SOX6: variants seen among roughly 807,000 people sequenced by gnomAD.
SOX6 encodes the protein transcription factor SOX-6.
Under a neutral mutation model 97.8 loss-of-function variants are expected in SOX6, and 11 were observed. The ratio of observed to expected loss-of-function variants is 0.11; its 90% CI spans 0.07 to 0.19. SOX6 has a LOEUF of 0.19. Among genes scored for constraint, SOX6 ranks in the 10% least tolerant of loss-of-function variants. The pLI is 1.00. For synonymous variants in SOX6, 360 were observed against 371.4 expected, an observed-to-expected ratio of 0.97 and a Z score of 0.35; for missense variants, 810 against 1,039.5, an observed-to-expected ratio of 0.78 and a Z score of 3.04.
At chr11:16,529,691 A>T (rs1447885142) in intron 4 of SOX6, among the ~76,000 whole-genome samples, 1 of 152,110 alleles carries the variant, frequency 6.6e-6, no homozygotes, top group Non-Finnish European at 1.5e-5. Flanking sequence ...TATATTAAAC[A>T]AGAATGGAAT....
At chr11:16,032,308 T>G (rs561412959) in intron 12 of SOX6, among the ~76,000 whole-genome samples, 29 of 152,294 alleles carry the variant, frequency 1.9e-4, no homozygotes, top group Middle Eastern at 3.4e-3. Context: ...TTGTTCGATT[T>G]GTTAGTCTAT....
rs140074820 is a variant in SOX6, at chr11:16,639,391, A to G, written n.430-27131T>C. Among the ~76,000 whole-genome samples the G allele has an allele frequency of 8.1e-3, 1,228 of 152,274 alleles. 21 individuals are homozygous for G. The highest frequency in any genetic ancestry group is 0.027 in the African/African-American group (1,116 of 41,560). ...TCTTTTGGCTTAGGATTGACTTGGCAATGCGGGATCTTTTTTGGTTCCTTA... is the reference window on the plus strand; with the variant it reads ...TCTTTTGGCTTAGGATTGACTTGGCGATGCGGGATCTTTTTTGGTTCCTTA... On this transcript the variant is annotated intron_variant and non_coding_transcript_variant, in intron 3 of 5. Transcript: ENST00000524520.
intron 1 of SOX6, among the ~76,000 whole-genome samples, chr11:16,365,122 T>A (rs1235429982): frequency 6.6e-6 from 1 of 152,142 alleles, no homozygotes; most frequent in African/African-American, 2.4e-5. Context: ...CATTTTATTG[T>A]TGTTGTTCAT....
At chr11:16,146,323 C>A (rs1408276163) in intron 6 of SOX6, among the ~76,000 whole-genome samples, 3 of 152,190 alleles carry the variant, frequency 2.0e-5, no homozygotes, top group Non-Finnish European at 2.9e-5. Context: ...AACTGGATCC[C>A]TTCCTTACAC....
At position 16,046,538 on chromosome 11, in the gene SOX6, C is replaced by T; in HGVS notation, c.1599G>A (p.Gly533=). The T allele has an allele frequency of 1.2e-6, 2 of 1,613,540 alleles. No individual in the cohort carries two copies. Among genetic ancestry groups the T allele is most frequent in the South Asian group, 1.1e-5 (1 of 91,084 alleles). ...DGKLSSINNM[G]LNSCRNEKER... ...CCTTTTCATTCCTGCAGCTGTTCAG[C>T]CCCATATTATTTATGGAGGACAGTT... Residue 533 remains glycine, a synonymous_variant, in exon 12 of 16, where the codon GGG becomes GGA. Transcript: ENST00000683767.
intron 9 of SOX6, among the ~76,000 whole-genome samples, chr11:16,087,268 AT>A (rs1848598883): frequency 6.6e-6 from 1 of 152,170 alleles, no homozygotes; most frequent in African/African-American, 2.4e-5. Flanking sequence ...TACACATATA[AT>A]ATTAATACTA....
intron 3 of SOX6, among the ~76,000 whole-genome samples, chr11:16,649,618 G>A (rs1228035329): frequency 1.3e-5 from 2 of 151,830 alleles, no homozygotes; most frequent in African/African-American, 2.4e-5. Context: ...AATCCCAAAA[G>A]GAGTTCTAAA....
chr11:16,065,700 A>G (rs1848078245), intron 9 of SOX6, among the ~76,000 whole-genome samples: 2 of 152,170 alleles, frequency 1.3e-5, no homozygotes, highest in South Asian at 4.1e-4. Flanking sequence ...AAGACAGGAT[A>G]TTCATATGCA....
At position 16,507,783 on chromosome 11, in the gene SOX6, T is replaced by C. The variant is rs190449623; in HGVS notation, n.610-31395A>G. ...AGACTTAAACATAGACCTGAAACTA[T>C]AAAACTACTAGGAGAAATACTTCAA... On this transcript the variant is annotated intron_variant and non_coding_transcript_variant, in intron 4 of 5. Transcript: ENST00000524520. Among the ~76,000 whole-genome samples the C allele has an allele frequency of 5.7e-4, 86 of 152,136 alleles. 1 individual carries two copies. The highest frequency in any genetic ancestry group is 2.0e-3 in the African/African-American group (85 of 41,534).
At chr11:16,439,968 T>C (rs529460573) in intron 1 of SOX6, among the ~76,000 whole-genome samples, 38 of 152,294 alleles carry the variant, frequency 2.5e-4, no homozygotes, top group South Asian at 1.9e-3. Context: ...TTAAACTATC[T>C]ATTGCACACT....
upstream of SOX6, among the ~76,000 whole-genome samples, chr11:16,358,321 T>C (rs2134371262): frequency 6.6e-6 from 1 of 152,266 alleles, no homozygotes; most frequent in South Asian, 2.1e-4. Flanking sequence ...AATTATAGAA[T>C]GCCAGGACAA....
intron 6 of SOX6, among the ~76,000 whole-genome samples, chr11:16,123,123 A>G (rs978234302): frequency 1.3e-5 from 2 of 152,154 alleles, no homozygotes; most frequent in Admixed American, 6.6e-5. Flanking sequence ...CTTCTTTAAT[A>G]TTTCATCATC....
intron 3 of SOX6, among the ~76,000 whole-genome samples, chr11:16,682,399 C>T (rs529406579): frequency 6.6e-6 from 1 of 152,284 alleles, no homozygotes; most frequent in African/African-American, 2.4e-5. Context: ...ACGATCAAGT[C>T]AGCTTCATCC....
chr11:16,389,109 G>A (rs775700853), intron 1 of SOX6, among the ~76,000 whole-genome samples: 6 of 151,884 alleles, frequency 4.0e-5, no homozygotes, highest in Non-Finnish European at 7.4e-5. Context: ...AAGAGACAGG[G>A]TCTCACTCTG....
Position 15,968,964 on chromosome 11 carries a change from T to C in SOX6, c.*3845A>G, listed in dbSNP as rs1158072611. ...CATATCTGCCAATGAAATAGAAAAG[T>C]TGTCAGCCTAGCGGCTCGTATCCGC... On this transcript the variant is annotated 3_prime_UTR_variant, in exon 16 of 16. Coordinates refer to ENST00000683767, the MANE Select transcript of SOX6 (RefSeq NM_001367873.1). 6.6e-6 allele frequency: 1 copy of C among 152,228 alleles called. No homozygotes were observed. Among genetic ancestry groups the C allele is most frequent in the African/African-American group, 2.4e-5 (1 of 41,460 alleles). The allele number at this position is 152,228 out of a possible 1,614,324, so 9.4% of individuals were successfully genotyped here. A position where few individuals can be genotyped will look rare whatever the true frequency, so the allele number is the denominator to read the frequency against.
chr11:16,531,548 T>G (rs1400183101), intron 4 of SOX6, among the ~76,000 whole-genome samples: 3 of 151,912 alleles, frequency 2.0e-5, no homozygotes, highest in African/African-American at 7.2e-5. Flanking sequence ...CCTATTTTTT[T>G]AATGAGGAAA....
chr11:15,983,178 T>C (rs560267363), intron 15 of SOX6, among the ~76,000 whole-genome samples: 4 of 152,160 alleles, frequency 2.6e-5, no homozygotes, highest in Non-Finnish European at 5.9e-5. Context: ...TAGCATATAA[T>C]AGTGTGTTAT....
chr11:16,092,580 C>T (rs909141713), intron 9 of SOX6, among the ~76,000 whole-genome samples: 18 of 151,888 alleles, frequency 1.2e-4, no homozygotes, highest in African/African-American at 3.9e-4. Flanking sequence ...TACCAATATG[C>T]TGACACATGG....
chr11:16,674,776 C>A (rs996436678), intron 3 of SOX6, among the ~76,000 whole-genome samples: 13 of 152,178 alleles, frequency 8.5e-5, no homozygotes, highest in African/African-American at 3.1e-4. Context: ...CAAAGCGAAA[C>A]CCTATGTCTA....
Sources: gnomAD v4.1 joint callset for allele counts (sites outside exome capture counted in the v4.1 genomes callset) on GRCh38, gnomAD v4.1.1 for gene constraint, MANE v1.5 for transcripts, NCBI Gene and HGNC (gene_info 2026-07-23, HGNC 2026-07-21) for gene names.